Variants in ATG7 observed in about 807,000 individuals in gnomAD.
ATG7 encodes the protein autophagy related 7, also known as ubiquitin-like modifier-activating enzyme ATG7.
A neutral mutation model predicts 82.4 loss-of-function variants in ATG7; 70 were observed. The observed-to-expected ratio is 0.85, with a 90% confidence interval of 0.70 to 1.04. The LOEUF (loss-of-function observed/expected upper bound fraction) is 1.04. ATG7 is among the 50% of genes least tolerant of loss of function. The probability of loss-of-function intolerance (pLI) is 0.00; values close to 1 mark genes in which losing one functional copy is unlikely to be tolerated. For missense variants in ATG7, 792 were observed against 864.3 expected (o/e 0.92, Z 1.05); for synonymous variants, 287 against 313.0 (o/e 0.92, Z 0.88).
intron 20 of ATG7, among the ~76,000 whole-genome samples, chr3:11,527,126 G>T (rs1201560265): frequency 6.8e-6 from 1 of 148,146 alleles, no homozygotes; most frequent in African/African-American, 2.5e-5. Flanking sequence ...TTTTTTTGAG[G>T]TGGAGTCTCA....
At chr3:11,304,529 T>G (rs143030877) in intron 5 of ATG7, 1 of 152,370 alleles carries the variant, frequency 6.6e-6, no homozygotes, top group Non-Finnish European at 1.5e-5. Flanking sequence ...TGTGAAGCTG[T>G]GTGCGAAGTA....
At chr3:11,474,149 T>C (rs2087857942) in intron 20 of ATG7, among the ~76,000 whole-genome samples, 2 of 152,226 alleles carry the variant, frequency 1.3e-5, no homozygotes, top group South Asian at 4.1e-4. Context: ...ATACGACATA[T>C]TCATCCAGTG....
chr3:11,573,312 GAAGGAAGAAAGAAAGAAAGAAAGA>G, the ATG7 span, among the ~76,000 whole-genome samples: 102 of 9,834 alleles, frequency 0.01, 5 homozygotes, highest in East Asian at 0.049. Flanking sequence ...AGAAAGGAAG[GAAGGAAGAAAGAAAGAAAGAAAGA>G]AAGAAAGAAA....
chr3:11,538,880 A>AAAAAAG (rs2070580938), intron 20 of ATG7, among the ~76,000 whole-genome samples: 1 of 151,012 alleles, frequency 6.6e-6, no homozygotes, highest in African/African-American at 2.4e-5. Context: ...GTCTCAAAAA[A>AAAAAAG]AAAGAAAAAG....
In ATG7 at chr3:11,556,246, A is replaced by G. The variant is rs2125082433; in HGVS notation, c.*1403A>G. 6.5e-6 allele frequency: 1 copy of G among 152,776 alleles called. No homozygotes were observed. The highest frequency in any genetic ancestry group is 1.9e-4 in the East Asian group (1 of 5,304). 9.5% of individuals were successfully genotyped at this position (152,776 alleles called of 1,614,324 possible). ...CACTGCAGGCAGCGCGGCTCTGGGAAGAACTTCACGGAGCCCCTTCTTAGA... is the reference window on the plus strand; with the variant it reads ...CACTGCAGGCAGCGCGGCTCTGGGAGGAACTTCACGGAGCCCCTTCTTAGA... On this transcript the variant is annotated 3_prime_UTR_variant, in exon 21 of 21. Coordinates refer to ENST00000693202, the MANE Select transcript of ATG7 (RefSeq NM_001349232.2).
intron 20 of ATG7, among the ~76,000 whole-genome samples, chr3:11,454,589 G>A (rs994833403): frequency 2.6e-5 from 4 of 152,132 alleles, no homozygotes; most frequent in Admixed American, 2.0e-4. Flanking sequence ...CTTCCCTGAA[G>A]GTACCATTAT....
intron 18 of ATG7, among the ~76,000 whole-genome samples, chr3:11,372,845 CGT>C (rs1435850608): frequency 9.4e-5 from 2 of 21,372 alleles, no homozygotes; most frequent in African/African-American, 2.3e-4. Context: ...TGCGTGCGTG[CGT>C]GTGCGTGTGT....
At chr3:11,506,132 T>G (rs189826606) in intron 20 of ATG7, among the ~76,000 whole-genome samples, 27 of 152,308 alleles carry the variant, frequency 1.8e-4, no homozygotes, top group Admixed American at 1.6e-3. Flanking sequence ...CTTTCCCTAG[T>G]ACATTTATTA....
chr3:11,478,662 A>AAT (rs1174661348), intron 20 of ATG7, among the ~76,000 whole-genome samples: 1 of 152,194 alleles, frequency 6.6e-6, no homozygotes, highest in Non-Finnish European at 1.5e-5. Context: ...AGCAGACTTA[A>AAT]ATAGAAAAAA....
chr3:11,512,282 C>T (rs1426221099), intron 20 of ATG7, among the ~76,000 whole-genome samples: 1 of 152,222 alleles, frequency 6.6e-6, no homozygotes, highest in Non-Finnish European at 1.5e-5. Context: ...TTCTCACTTC[C>T]TGAACCAAGT....
intron 20 of ATG7, among the ~76,000 whole-genome samples, chr3:11,458,616 T>A (rs1171924724): frequency 6.6e-6 from 1 of 152,214 alleles, no homozygotes; most frequent in Non-Finnish European, 1.5e-5. Context: ...TGTGTGACCA[T>A]AGCTAGTTAC....
At chr3:11,449,944 A>G (rs1370934412) in intron 20 of ATG7, among the ~76,000 whole-genome samples, 5 of 152,216 alleles carry the variant, frequency 3.3e-5, no homozygotes, top group African/African-American at 9.7e-5. Flanking sequence ...AACAGCATCA[A>G]GTTTTGTGTT....
intron 19 of ATG7, among the ~76,000 whole-genome samples, chr3:11,403,821 A>G (rs1347850073): frequency 2.0e-5 from 3 of 152,232 alleles, no homozygotes; most frequent in Non-Finnish European, 4.4e-5. Flanking sequence ...TTACTCCTTG[A>G]CAAAAGATGG....
At chr3:11,422,256 A>G (rs9874535) in intron 19 of ATG7, among the ~76,000 whole-genome samples, 77,752 of 152,108 alleles carry the variant, frequency 0.51, 20,830 homozygotes, top group East Asian at 0.68. Context: ...CCACTAGAAG[A>G]CGGTTTCATC....
intron 19 of ATG7, among the ~76,000 whole-genome samples, chr3:11,407,816 T>A (rs928668862): frequency 2.6e-5 from 4 of 152,178 alleles, no homozygotes; most frequent in African/African-American, 9.7e-5. Context: ...CCTTAGGCTG[T>A]ACACAGCACA....
chr3:11,551,011 T>C (rs1369554494), intron 20 of ATG7, among the ~76,000 whole-genome samples: 2 of 152,184 alleles, frequency 1.3e-5, no homozygotes, highest in Non-Finnish European at 2.9e-5. Flanking sequence ...TTTTATCTTT[T>C]TCCAAGTGAC....
intron 5 of ATG7, among the ~76,000 whole-genome samples, chr3:11,299,967 C>T (rs1185504809): frequency 6.6e-6 from 1 of 151,720 alleles, no homozygotes; most frequent in African/African-American, 2.4e-5. Context: ...CTCTGTCACC[C>T]AGGCTGGAGT....
intron 20 of ATG7, among the ~76,000 whole-genome samples, chr3:11,482,499 T>G (rs2089120339): frequency 1.3e-5 from 2 of 152,180 alleles, no homozygotes; most frequent in African/African-American, 4.8e-5. Flanking sequence ...GAAAGTTGTA[T>G]CTGGGGGCTG....
rs557823495 is a variant in ATG7, at chr3:11,555,226, G to A, written c.*383G>A. On this transcript the variant is annotated 3_prime_UTR_variant, in exon 21 of 21. Coordinates refer to ENST00000693202, the MANE Select transcript of ATG7 (RefSeq NM_001349232.2). ...ACCAGCTCCTGCCCAGAGCCACTGCGGGAGGTGGCACCCTCATCCCCGGAA... is the reference window on the plus strand; with the variant it reads ...ACCAGCTCCTGCCCAGAGCCACTGCAGGAGGTGGCACCCTCATCCCCGGAA... 3.8e-5 allele frequency: 8 copies of A among 208,342 alleles called. No homozygotes were observed. Among genetic ancestry groups the A allele is most frequent in the South Asian group, 1.3e-4 (1 of 7,634 alleles). 12.9% of individuals were successfully genotyped at this position (208,342 alleles called of 1,614,324 possible).
Sources: allele counts gnomAD v4.1 joint callset (sites outside exome capture counted in the v4.1 genomes callset), GRCh38; gene constraint gnomAD v4.1.1; transcripts MANE v1.5; gene names NCBI Gene and HGNC (gene_info 2026-07-23, HGNC 2026-07-21).